Variants in TOP1MT observed in about 807,000 individuals in gnomAD.
TOP1MT encodes the protein DNA topoisomerase I, mitochondrial.
Under a neutral mutation model 73.9 loss-of-function variants are expected in TOP1MT, and 80 were observed. That is an observed-to-expected ratio of 1.08 (90% CI 0.90 to 1.30). The LOEUF is 1.30. TOP1MT is among the 50% of genes most tolerant of loss of function. The probability of loss-of-function intolerance (pLI) is 0.00; values close to 1 mark genes in which losing one functional copy is unlikely to be tolerated. For missense variants in TOP1MT, 815 were observed against 808.0 expected, an observed-to-expected ratio of 1.01 and a Z score of -0.10; for synonymous variants, 338 against 326.4, an observed-to-expected ratio of 1.04 and a Z score of -0.38.
chr8:143,330,027 G>A (rs534304999), intron 2 of TOP1MT, among the ~76,000 whole-genome samples: 20 of 152,286 alleles, frequency 1.3e-4, no homozygotes, highest in South Asian at 2.1e-4. Flanking sequence ...TCAACTGCAC[G>A]TCTGAAAAGC....
upstream of TOP1MT, among the ~76,000 whole-genome samples, chr8:143,335,661 G>A (rs138524542): frequency 2.1e-3 from 323 of 152,366 alleles, no homozygotes; most frequent in African/African-American, 7.4e-3. Flanking sequence ...TGGCAGCACC[G>A]CAGCCTTGGT....
At chr8:143,323,917 C>T (rs1189671391) in intron 7 of TOP1MT, 82 bp downstream of exon 7, 11 of 1,529,394 alleles carry the variant, frequency 7.2e-6, no homozygotes, top group South Asian at 1.2e-5. Flanking sequence ...AGGCCCACGT[C>T]GCCACACTGC....
At chr8:143,309,915 G>C (rs1430118946) in intron 13 of TOP1MT, 153 bp downstream of exon 13, 2 of 1,587,076 alleles carry the variant, frequency 1.3e-6, no homozygotes, top group African/African-American at 2.7e-5. Context: ...GATGACACAG[G>C]ACTCAGCATC....
intron 12 of TOP1MT, among the ~76,000 whole-genome samples, chr8:143,312,519 TA>T (rs35770330): frequency 0.49 from 73,830 of 150,596 alleles, 19,858 homozygotes; most frequent in East Asian, 0.76. Context: ...CTCTTCATGA[TA>T]AAAAAAAAAG....
chr8:143,325,266 C>T (rs1816673631), intron 5 of TOP1MT, 80 bp downstream of exon 5: 6 of 1,286,748 alleles, frequency 4.7e-6, no homozygotes, highest in Non-Finnish European at 5.3e-6. Context: ...GTGCCTCCCT[C>T]TCCCAGGAGG....
intron 7 of TOP1MT, among the ~76,000 whole-genome samples, chr8:143,322,446 ACACACAGGCATGC>A (rs1388565713): frequency 4.4e-5 from 5 of 114,502 alleles, no homozygotes; most frequent in Non-Finnish European, 5.1e-5. Context: ...CACGCACGCC[ACACACAGGCATGC>A]CACACAGGCA....
intron 3 of TOP1MT, chr8:143,327,629 C>A: frequency 3.8e-6 from 1 of 262,118 alleles, no homozygotes; most frequent in Non-Finnish European, 7.8e-6. Context: ...TCCTGTTCTG[C>A]TGCTTTGTGA....
At chr8:143,350,476 C>T (rs943290827) in intron 1 of TOP1MT, among the ~76,000 whole-genome samples, 12 of 152,162 alleles carry the variant, frequency 7.9e-5, no homozygotes, top group African/African-American at 1.4e-4. Context: ...GGATTACAGG[C>T]GCCTGCCACC....
intron 8 of TOP1MT, among the ~76,000 whole-genome samples, chr8:143,318,312 G>A (rs867552473): frequency 1.9e-4 from 29 of 152,290 alleles, no homozygotes; most frequent in East Asian, 5.8e-4. Flanking sequence ...GGAGGTGGGC[G>A]TGACTCCTGC....
At chr8:143,333,584 C>A (rs1447965568) in intron 1 of TOP1MT, among the ~76,000 whole-genome samples, 1 of 152,234 alleles carries the variant, frequency 6.6e-6, no homozygotes, top group Non-Finnish European at 1.5e-5. Context: ...AACCTGCCGG[C>A]CAGCGGCCAG....
At chr8:143,336,314 G>C (rs181631160), upstream of TOP1MT, among the ~76,000 whole-genome samples, 4 of 152,256 alleles carry the variant, frequency 2.6e-5, no homozygotes, top group Admixed American at 2.6e-4. Context: ...TTGTAAGAGG[G>C]AGTGTGGCAG....
At chr8:143,325,038 A>G (rs1816667187) in intron 5 of TOP1MT, among the ~76,000 whole-genome samples, 1 of 152,236 alleles carries the variant, frequency 6.6e-6, no homozygotes, top group Non-Finnish European at 1.5e-5. Context: ...TGTCCCTCCA[A>G]TAAGTTCAAA....
intron 12 of TOP1MT, among the ~76,000 whole-genome samples, chr8:143,310,809 G>A (rs556667048): frequency 3.3e-5 from 5 of 152,364 alleles, no homozygotes; most frequent in African/African-American, 4.8e-5. Context: ...GCATAGGTCC[G>A]GGGAAGTGCC....
chr8:143,309,666 C>G lies in TOP1MT; in HGVS notation c.1704-123G>C. ...GAGACACCAGAGCCGCCTGGTGTAG[C>G]TGGGACCTGCTCCTCTAGGCCAACC... is the stretch of plus-strand genomic sequence containing the variant. On this transcript the variant is annotated intron_variant, in intron 13 of 13. Coordinates refer to ENST00000329245, the MANE Select transcript of TOP1MT (RefSeq NM_052963.3). The G allele has an allele frequency of 2.0e-6, 3 of 1,529,734 alleles. No homozygotes were observed. The South Asian group carries it at 3.6e-5, about 18-fold the overall frequency. 94.8% of individuals were successfully genotyped at this position (1,529,734 alleles called of 1,614,324 possible). A position where few individuals can be genotyped will look rare whatever the true frequency, so the allele number is the denominator to read the frequency against.
In TOP1MT at chr8:143,343,825, G is replaced by A. The variant is rs193199208; in HGVS notation, c.-38-539C>T. ...CAGAGGCGCCATCCCTGGGAACCCC[G>A]AGGAGGTTATGGGGGCACCAGGCAC... On this transcript the variant is annotated intron_variant, in intron 1 of 5. Transcript: ENST00000518007. 389 of 155,316 alleles carry A rather than the reference G, an allele frequency of 2.5e-3. 4 individuals are homozygous for A. The highest frequency in any genetic ancestry group is 5.5e-3 in the South Asian group (28 of 5,124). The allele number at this position is 155,316 out of a possible 1,614,324, so 9.6% of individuals were successfully genotyped here.
chr8:143,317,268 C>T (rs549369756), intron 10 of TOP1MT, among the ~76,000 whole-genome samples: 54 of 152,264 alleles, frequency 3.5e-4, no homozygotes, highest in Admixed American at 2.6e-3. Context: ...AGACAGCATC[C>T]CCAGGTTGAT....
chr8:143,310,898 CAG>C (rs1421411689), intron 12 of TOP1MT, among the ~76,000 whole-genome samples: 2 of 151,640 alleles, frequency 1.3e-5, no homozygotes, highest in Non-Finnish European at 2.9e-5. Flanking sequence ...GGAGGGAAAA[CAG>C]AGGAAGAGCC....
At position 143,317,757 on chromosome 8, in the gene TOP1MT, GA is replaced by G. The variant is rs1563754913; in HGVS notation, c.1295del (p.Ile432ThrfsTer10). ...GGGCCCGCAGCTGCTCCTGCAGAGT[GA>G]TGGAGGCGTTGTAGGTCCGGAACAC... Reference protein sequence around the residue: ...AKVFRTYNASITLQEQLRALT... With the variant: ...AKVFRTYNASXTLQEQLRALT... On this transcript the variant is annotated frameshift_variant, in exon 10 of 14. Coordinates refer to ENST00000329245, the MANE Select transcript of TOP1MT (RefSeq NM_052963.3). LOFTEE classifies it high-confidence loss of function. 6.2e-7 allele frequency: 1 copy of G among 1,614,080 alleles called. No homozygotes were observed. Among genetic ancestry groups the G allele is most frequent in the Non-Finnish European group, 8.5e-7 (1 of 1,180,028 alleles).
chr8:143,322,617 C>CCA (rs1473218455), intron 7 of TOP1MT, among the ~76,000 whole-genome samples: 10 of 98,386 alleles, frequency 1.0e-4, no homozygotes, highest in South Asian at 7.8e-4. Flanking sequence ...CACATGCATG[C>CCA]CACACAGGCA....
Sources: allele counts gnomAD v4.1 joint callset (sites outside exome capture counted in the v4.1 genomes callset), GRCh38; gene constraint gnomAD v4.1.1; transcripts MANE v1.5; gene names NCBI Gene and HGNC (gene_info 2026-07-23, HGNC 2026-07-21).